The following SYDE2 variants were observed in gnomAD, a reference collection of about 807,000 sequenced individuals.
SYDE2 encodes the protein rho GTPase-activating protein SYDE2.
Under a neutral mutation model 91.5 loss-of-function variants are expected in SYDE2, and 76 were observed. That is an observed-to-expected ratio of 0.83 (90% confidence interval 0.69 to 1.01). The LOEUF (loss-of-function observed/expected upper bound fraction) is 1.01. SYDE2 is among the 50% of genes least tolerant of loss of function. The probability of loss-of-function intolerance (pLI) is 0.00; values close to 1 mark genes in which losing one functional copy is unlikely to be tolerated. For synonymous variants in SYDE2, 513 were observed against 506.4 expected, an observed-to-expected ratio of 1.01 and a Z score of -0.18; for missense variants, 1,364 against 1,367.7, an observed-to-expected ratio of 1.00 and a Z score of 0.04.
intron 5 of SYDE2, among the ~76,000 whole-genome samples, chr1:85,166,454 C>T (rs1225571678): frequency 6.6e-6 from 1 of 151,304 alleles, no homozygotes; most frequent in Admixed American, 6.6e-5. Flanking sequence ...GAGCCAAAAG[C>T]GACAAATGGA....
chr1:85,155,165 G>A (rs538003625), downstream of SYDE2, among the ~76,000 whole-genome samples: 5 of 151,976 alleles, frequency 3.3e-5, no homozygotes, highest in African/African-American at 9.6e-5. Context: ...AAATGATCTC[G>A]GGGTTAGAGT....
intron 2 of SYDE2, among the ~76,000 whole-genome samples, chr1:85,188,496 G>T: frequency 6.6e-6 from 1 of 152,190 alleles, no homozygotes; most frequent in Admixed American, 6.5e-5. Context: ...CCTGAGAAAA[G>T]GTTTGTCCCT....
chr1:85,154,250 C>T (rs189165109), downstream of SYDE2: 1 of 150,928 alleles, frequency 6.6e-6, no homozygotes, highest in Non-Finnish European at 1.5e-5. Context: ...AATCTGTGGT[C>T]TGGAAACTAA....
intron 6 of SYDE2, chr1:85,159,845 T>C: frequency 1.0e-6 from 1 of 982,208 alleles, no homozygotes; most frequent in Non-Finnish European, 1.2e-6. Flanking sequence ...TATACAGCAT[T>C]ATCTACTATC....
At chr1:85,182,047 CAATT>C (rs1657938788) in intron 3 of SYDE2, 47 bp downstream of exon 3, 2 of 1,488,044 alleles carry the variant, frequency 1.3e-6, no homozygotes, top group Non-Finnish European at 1.8e-6. Context: ...CCAAGACTTA[CAATT>C]AATCAATCAA....
chr1:85,201,013 T>C lies in SYDE2; in HGVS notation c.-17A>G, dbSNP rs750083345. On this transcript the variant is annotated 5_prime_UTR_variant, in exon 1 of 7. Coordinates refer to ENST00000341460, the MANE Select transcript of SYDE2 (RefSeq NM_032184.2). ...GTCGTGCATGGCCTGGATCAGCAGA[T>C]AATAGGCCTCTCGCAACTGGGTCCG... 32 of 1,266,294 alleles carry C rather than the reference T, an allele frequency of 2.5e-5. No individual in the cohort carries two copies. Among genetic ancestry groups the C allele is most frequent in the Non-Finnish European group, 2.9e-5 (29 of 1,009,636 alleles). The allele number at this position is 1,266,294 out of a possible 1,614,324, so 78.4% of individuals were successfully genotyped here.
At chr1:85,199,329 T>C (rs1379761574) in intron 1 of SYDE2, among the ~76,000 whole-genome samples, 1 of 152,188 alleles carries the variant, frequency 6.6e-6, no homozygotes, top group African/African-American at 2.4e-5. Flanking sequence ...ACTTTGAAGA[T>C]ATTATACTCC....
chr1:85,172,618 G>T (rs1657542027), intron 4 of SYDE2, among the ~76,000 whole-genome samples: 2 of 152,124 alleles, frequency 1.3e-5, no homozygotes, highest in African/African-American at 4.8e-5. Flanking sequence ...ATCAGGCAAA[G>T]GACAAGGATC....
At chr1:85,198,420 C>G (rs1251122222) in intron 1 of SYDE2, among the ~76,000 whole-genome samples, 8 of 152,026 alleles carry the variant, frequency 5.3e-5, no homozygotes, top group Non-Finnish European at 8.8e-5. Context: ...GATATGTAAA[C>G]ACTGCACAAA....
intron 3 of SYDE2, among the ~76,000 whole-genome samples, chr1:85,178,664 C>T (rs918513926): frequency 2.0e-5 from 3 of 152,136 alleles, no homozygotes; most frequent in Non-Finnish European, 2.9e-5. Context: ...AGCCCCACTG[C>T]TTGCTTCATG....
intron 1 of SYDE2, among the ~76,000 whole-genome samples, chr1:85,197,815 C>T (rs1658648156): frequency 1.3e-5 from 2 of 151,970 alleles, no homozygotes; most frequent in South Asian, 2.1e-4. Flanking sequence ...CCACCACGCC[C>T]GGCTAATTTT....
At position 85,200,730 on chromosome 1, in the gene SYDE2, G is replaced by A. The variant is rs1276787279; in HGVS notation, c.267C>T (p.Ser89=). Residue 89 remains serine (S), a synonymous_variant, in exon 1 of 7, where the codon AGC becomes AGT. Transcript: ENST00000341460. ...MRPSCSRSLE[S]LRVGAKPPPF... Reference sequence around the variant, plus strand: ...GAGGCGGCTTGGCACCCACCCGGAGGCTCTCGAGGCTTCTGCTGCAGGACG... The same window carrying A: ...GAGGCGGCTTGGCACCCACCCGGAGACTCTCGAGGCTTCTGCTGCAGGACG... 2.0e-6 allele frequency: 3 copies of A among 1,533,994 alleles called. No homozygotes were observed. The highest frequency in any genetic ancestry group is 2.6e-6 in the Non-Finnish European group (3 of 1,145,566).
chr1:85,190,876 A>G, intron 1 of SYDE2, 124 bp from the exon 2 acceptor site: 3 of 633,830 alleles, frequency 4.7e-6, no homozygotes, highest in South Asian at 5.8e-5. Flanking sequence ...ACATTCAGAG[A>G]CTAAAATTGA....
At chr1:85,188,034 A>G (rs1054923016) in intron 2 of SYDE2, among the ~76,000 whole-genome samples, 1 of 152,104 alleles carries the variant, frequency 6.6e-6, no homozygotes, top group Non-Finnish European at 1.5e-5. Flanking sequence ...AAATTAAAAA[A>G]AAAGTTTAAG....
At chr1:85,165,659 A>G (rs1401225620) in intron 5 of SYDE2, among the ~76,000 whole-genome samples, 2 of 151,650 alleles carry the variant, frequency 1.3e-5, no homozygotes, top group African/African-American at 2.4e-5. Flanking sequence ...ATGAAAGAAA[A>G]AAATTACCAA....
intron 2 of SYDE2, among the ~76,000 whole-genome samples, chr1:85,188,580 G>C (rs1486300596): frequency 6.6e-6 from 1 of 152,172 alleles, no homozygotes; most frequent in Non-Finnish European, 1.5e-5. Context: ...AGAAAATTCA[G>C]GGGAAAATTC....
rs817412 is a variant in SYDE2 at position 85,159,181 on chromosome 1, G to A, written c.3154C>T (p.Leu1052=). Residue 1052 remains leucine, a synonymous_variant, in exon 7 of 7, where the codon CTG becomes TTG. Coordinates refer to ENST00000341460, the MANE Select transcript of SYDE2 (RefSeq NM_032184.2). ...TGAGGTCGTTCTTTCTTCTGCCTCA[G>A]ATAATTCAGAGAAGACTTCTGCTCT... ...FPEQKSSLNY[L]RQKKERPHML... is the part of the protein sequence containing the mutation. The A allele has an allele frequency of 1, 777,256 of 780,810 alleles. 386,936 individuals carry two copies. The highest frequency in any genetic ancestry group is 1 in the East Asian group (41,240 of 41,240). 48.4% of individuals were successfully genotyped at this position (780,810 alleles called of 1,614,324 possible).
downstream of SYDE2, among the ~76,000 whole-genome samples, chr1:85,155,578 T>C (rs928376991): frequency 1.3e-5 from 2 of 152,126 alleles, no homozygotes; most frequent in Non-Finnish European, 2.9e-5. Flanking sequence ...AAATGACACA[T>C]GGCATGATTT....
chr1:85,177,474 T>C (rs1657744151), intron 4 of SYDE2, among the ~76,000 whole-genome samples: 1 of 152,036 alleles, frequency 6.6e-6, no homozygotes, highest in Non-Finnish European at 1.5e-5. Context: ...AAGCAGTAGC[T>C]CTCCCTGAAG....
Sources: gnomAD v4.1 joint callset for allele counts (sites outside exome capture counted in the v4.1 genomes callset) on GRCh38, gnomAD v4.1.1 for gene constraint, MANE v1.5 for transcripts, NCBI Gene and HGNC (gene_info 2026-07-23, HGNC 2026-07-21) for gene names.